Variants in MAPDA observed in about 807,000 individuals in gnomAD.
The protein encoded by MAPDA is N6-Methyl-AMP deaminase, also known as N6,N6-dimethyl-AMP deaminase.
At chr15:43,337,292 AAAAAG>A in the MAPDA span, among the ~76,000 whole-genome samples, 1 of 151,774 alleles carries the variant, frequency 6.6e-6, no homozygotes, top group Non-Finnish European at 1.5e-5. Flanking sequence ...AAAAAAAAAA[AAAAAG>A]AGAAGTATTA....
At chr15:43,352,084 G>T in the MAPDA span, 2 of 772,520 alleles carry the variant, frequency 2.6e-6, no homozygotes, top group Non-Finnish European at 4.0e-6. Flanking sequence ...CTTACACATG[G>T]CAGGTACTCA....
chr15:43,340,239 A>G, the MAPDA span: 1 of 1,599,220 alleles, frequency 6.3e-7, no homozygotes. Context: ...CATTATCAAT[A>G]TTGTGTACGT....
the MAPDA span, chr15:43,345,774 A>G: frequency 3.2e-6 from 5 of 1,552,144 alleles, no homozygotes; most frequent in Admixed American, 8.4e-5. Context: ...GTAGTCTGCC[A>G]TCTCTGTCTG....
At chr15:43,352,042 C>A in the MAPDA span, 1 of 1,271,028 alleles carries the variant, frequency 7.9e-7, no homozygotes, top group Non-Finnish European at 1.1e-6. Context: ...TGAAGCATAG[C>A]AACCAAGTTC....
chr15:43,346,270 T>C, the MAPDA span, among the ~76,000 whole-genome samples: 1 of 152,358 alleles, frequency 6.6e-6, no homozygotes, highest in Non-Finnish European at 1.5e-5. Context: ...CTATATGCAC[T>C]ATAATGTAAT....
At chr15:43,339,915 T>G in the MAPDA span, among the ~76,000 whole-genome samples, 32 of 152,352 alleles carry the variant, frequency 2.1e-4, no homozygotes, top group Admixed American at 2.0e-3. Context: ...CACATACAGA[T>G]GGTTCCAGCT....
chr15:43,332,997 T>C, the MAPDA span, among the ~76,000 whole-genome samples: 1 of 152,204 alleles, frequency 6.6e-6, no homozygotes, highest in Non-Finnish European at 1.5e-5. Context: ...TTATGATTGC[T>C]TAGTTGCTTT....
the MAPDA span, among the ~76,000 whole-genome samples, chr15:43,334,283 T>C: frequency 6.6e-6 from 1 of 152,142 alleles, no homozygotes; most frequent in Admixed American, 6.5e-5. Flanking sequence ...GTCCATCTAA[T>C]GCCAGCACCT....
the MAPDA span, chr15:43,351,461 C>T: frequency 1.3e-4 from 51 of 402,586 alleles, no homozygotes; most frequent in African/African-American, 1.0e-3. Flanking sequence ...GCACCCATCC[C>T]ATGAGATTCT....
chr15:43,342,073 A>AG, the MAPDA span, among the ~76,000 whole-genome samples: 1 of 152,248 alleles, frequency 6.6e-6, no homozygotes, highest in African/African-American at 2.4e-5. Context: ...TCCTGACCTC[A>AG]GGTGATCGGC....
the MAPDA span, chr15:43,336,690 A>G: frequency 6.5e-7 from 1 of 1,536,162 alleles, no homozygotes; most frequent in South Asian, 1.3e-5. Context: ...TCTAATGGTA[A>G]GACATGAAGG....
At chr15:43,334,349 C>T in the MAPDA span, among the ~76,000 whole-genome samples, 3 of 151,602 alleles carry the variant, frequency 2.0e-5, no homozygotes, top group African/African-American at 4.8e-5. Context: ...TATTTTTGGC[C>T]GGGCATGGTG....
the MAPDA span, among the ~76,000 whole-genome samples, chr15:43,334,746 A>G: frequency 3.9e-4 from 58 of 148,804 alleles, no homozygotes; most frequent in Middle Eastern, 3.4e-3. Context: ...AATATACTCT[A>G]CTAAATGTCA....
the MAPDA span, among the ~76,000 whole-genome samples, chr15:43,339,539 T>G: frequency 6.6e-6 from 1 of 152,190 alleles, no homozygotes; most frequent in African/African-American, 2.4e-5. Context: ...AGATTAAGAT[T>G]AGGATACCAA....
At chr15:43,336,245 A>G in the MAPDA span, among the ~76,000 whole-genome samples, 36 of 152,056 alleles carry the variant, frequency 2.4e-4, no homozygotes, top group East Asian at 5.0e-3. Flanking sequence ...GGGTCTCCCT[A>G]TGTTGCCCAG....
chr15:43,347,588 G>C, the MAPDA span, among the ~76,000 whole-genome samples: 1 of 152,192 alleles, frequency 6.6e-6, no homozygotes, highest in Non-Finnish European at 1.5e-5. Flanking sequence ...TAATTGCTGG[G>C]AAGTAGTCAC....
the MAPDA span, among the ~76,000 whole-genome samples, chr15:43,337,750 G>A: frequency 6.6e-5 from 10 of 152,324 alleles, no homozygotes; most frequent in African/African-American, 2.2e-4. Context: ...ACCTTTTAGA[G>A]GAGAGGTAAC....
chr15:43,339,069 C>A, the MAPDA span, among the ~76,000 whole-genome samples: 1 of 152,160 alleles, frequency 6.6e-6, no homozygotes, highest in African/African-American at 2.4e-5. Context: ...GTGACAAGAT[C>A]CAGATTCCTC....
At chr15:43,349,207 CT>C in the MAPDA span, 2 of 1,421,830 alleles carry the variant, frequency 1.4e-6, no homozygotes, top group African/African-American at 2.9e-5. Flanking sequence ...AAACAGAAAG[CT>C]TTAGCTTCCA....
Sources: allele counts gnomAD v4.1 joint callset (sites outside exome capture counted in the v4.1 genomes callset), GRCh38; gene constraint gnomAD v4.1.1; transcripts MANE v1.5; gene names NCBI Gene and HGNC (gene_info 2026-07-23, HGNC 2026-07-21).